WFDC10B: variants seen among roughly 807,000 people sequenced by gnomAD.
WFDC10B encodes protein WFDC10B.
WFDC10B carries 1 observed loss-of-function variant against 2.7 expected under a neutral mutation model. That is an observed-to-expected ratio of 0.38 (90% CI 0.13 to 1.79). WFDC10B has a LOEUF of 1.79. Among genes scored for constraint, WFDC10B ranks in the 40% most tolerant of loss-of-function variants. The probability of loss-of-function intolerance (pLI) is 0.33; values close to 1 mark genes in which losing one functional copy is unlikely to be tolerated. For missense variants in WFDC10B, 71 were observed against 87.8 expected (o/e 0.81, Z 0.76); for synonymous variants, 26 against 32.2 (o/e 0.81, Z 0.65).
chr20:45,696,645 A>C (rs569589264), intron 2 of WFDC10B, among the ~76,000 whole-genome samples: 4 of 152,318 alleles, frequency 2.6e-5, no homozygotes, highest in African/African-American at 9.6e-5. Flanking sequence ...AAATTAGATA[A>C]CCTTGGATGA....
At chr20:45,695,241 G>A (rs778075960) in intron 2 of WFDC10B, among the ~76,000 whole-genome samples, 5 of 152,052 alleles carry the variant, frequency 3.3e-5, no homozygotes, top group Non-Finnish European at 5.9e-5. Flanking sequence ...TAAGCTGTGG[G>A]GTCTGCACTA....
At position 45,684,940 on chromosome 20, in the gene WFDC10B, G is replaced by C. The variant is rs200120473; in HGVS notation, c.112C>G (p.Arg38Gly). The stretch of plus-strand genomic sequence containing the variant: ...TGGATGCATAGATCTATGCTGGGTC[G>C]CTTCTCACAGACCTTGATTCCTGAA... The part of the protein sequence containing the change: ...RMQRIKVCEK[R>G]PSIDLCIHHC... The change falls in exon 4 of 4, where the codon CGA becomes GGA. Residue 38 changes from arginine (R) to glycine (G), a missense_variant. Coordinates refer to ENST00000330523, the MANE Select transcript of WFDC10B (RefSeq NM_172006.2). The C allele has an allele frequency of 3.1e-6, 5 of 1,613,812 alleles. No homozygotes were observed. In the East Asian group the frequency reaches 8.9e-5, roughly 29 times the overall value.
At chr20:45,703,046 G>A (rs537661174) in intron 2 of WFDC10B, among the ~76,000 whole-genome samples, 4 of 152,316 alleles carry the variant, frequency 2.6e-5, no homozygotes, top group South Asian at 4.1e-4. Flanking sequence ...GGAGTGCCCA[G>A]GGTAGAGTTA....
At chr20:45,704,860 CT>C (rs1984326856) in intron 1 of WFDC10B, 57 bp downstream of exon 1, 2 of 1,566,384 alleles carry the variant, frequency 1.3e-6, no homozygotes, top group Non-Finnish European at 1.8e-6. Flanking sequence ...CCACAAATGC[CT>C]TTATCCACAG....
chr20:45,697,613 A>T (rs1311163825), intron 2 of WFDC10B, among the ~76,000 whole-genome samples: 1 of 152,042 alleles, frequency 6.6e-6, no homozygotes, highest in Non-Finnish European at 1.5e-5. Context: ...TGGCCTCTCA[A>T]AGTGCTGAGA....
At chr20:45,702,126 G>A (rs2145643584) in intron 2 of WFDC10B, 1 of 1,612,866 alleles carries the variant, frequency 6.2e-7, no homozygotes, top group East Asian at 2.2e-5. Flanking sequence ...CTGACACCAT[G>A]AAGCCTGTGC....
intron 2 of WFDC10B, chr20:45,701,996 G>A: frequency 1.2e-6 from 1 of 803,478 alleles, no homozygotes; most frequent in Non-Finnish European, 2.0e-6. Flanking sequence ...TTTGATTGGA[G>A]TACACGGTGA....
chr20:45,697,577 C>G (rs1984015839), intron 2 of WFDC10B, among the ~76,000 whole-genome samples: 1 of 151,766 alleles, frequency 6.6e-6, no homozygotes, highest in African/African-American at 2.4e-5. Context: ...ATCTCGAACT[C>G]CTGAGCTCAA....
Position 45,684,854 on chromosome 20 carries a change from C to A in WFDC10B, c.198G>T (p.Gly66=). Residue 66 remains glycine, a synonymous_variant, in exon 4 of 4, where the codon GGG becomes GGT. Coordinates refer to ENST00000330523, the MANE Select transcript of WFDC10B (RefSeq NM_172006.2). The part of the protein sequence containing the change: ...TNKICCSAFC[G]NICMSIL ...CTCATAGGATGCTCATACAAATGTTCCCACAGAAGGCTGAACAGCATATCT... is the reference window on the plus strand; with the variant it reads ...CTCATAGGATGCTCATACAAATGTTACCACAGAAGGCTGAACAGCATATCT... 1.2e-6 allele frequency: 2 copies of A among 1,613,896 alleles called. No homozygotes were observed. Among genetic ancestry groups the A allele is most frequent in the South Asian group, 1.1e-5 (1 of 91,040 alleles).
At chr20:45,695,758 G>C (rs1016554596) in intron 2 of WFDC10B, among the ~76,000 whole-genome samples, 1 of 151,974 alleles carries the variant, frequency 6.6e-6, no homozygotes, top group Non-Finnish European at 1.5e-5. Context: ...GGCTGAGGTG[G>C]GTGGATCACT....
chr20:45,704,074 C>T (rs1243205835), intron 2 of WFDC10B, among the ~76,000 whole-genome samples: 6 of 152,218 alleles, frequency 3.9e-5, no homozygotes, highest in Admixed American at 3.3e-4. Context: ...CTCAAGACCA[C>T]ACAATGAATC....
chr20:45,703,691 TA>T (rs1984268656), intron 2 of WFDC10B, among the ~76,000 whole-genome samples: 1 of 152,132 alleles, frequency 6.6e-6, no homozygotes, highest in African/African-American at 2.4e-5. Flanking sequence ...AGGTAGGTCT[TA>T]GCTTTGAACT....
At chr20:45,685,581 A>T (rs1983583368) in intron 3 of WFDC10B, among the ~76,000 whole-genome samples, 1 of 152,188 alleles carries the variant, frequency 6.6e-6, no homozygotes, top group Non-Finnish European at 1.5e-5. Flanking sequence ...AATGTGCATA[A>T]ATCAAAGAAT....
intron 2 of WFDC10B, chr20:45,702,222 G>T: frequency 1.2e-6 from 2 of 1,609,100 alleles, no homozygotes; most frequent in Non-Finnish European, 1.7e-6. Context: ...GTAGGTGCTG[G>T]ATCTGGGCCC....
intron 2 of WFDC10B, among the ~76,000 whole-genome samples, chr20:45,687,016 TA>T (rs910503614): frequency 2.0e-5 from 3 of 152,320 alleles, no homozygotes; most frequent in Admixed American, 6.5e-5. Context: ...GATTGAGCTA[TA>T]TTTTTAATAT....
rs1404656788 is a variant in WFDC10B, at chr20:45,688,877, T to G, written c.-64-2821A>C. On this transcript the variant is annotated intron_variant, in intron 2 of 3. Transcript: ENST00000330523. ...CCATTTGTCAATTTTGGCTTTTGTT[T>G]CCATTGCTTTTGGTGTTTTAGACAT... Among the ~76,000 whole-genome samples, 26 of 151,936 alleles carry G rather than the reference T, an allele frequency of 1.7e-4. 1 individual carries two copies. Among genetic ancestry groups the G allele is most frequent in the African/African-American group, 2.9e-4 (12 of 41,376 alleles).
chr20:45,698,493 T>G (rs546076588), intron 2 of WFDC10B, among the ~76,000 whole-genome samples: 51 of 150,464 alleles, frequency 3.4e-4, no homozygotes, highest in Non-Finnish European at 6.2e-4. Context: ...AAAGACAGCC[T>G]ATGGAATGGG....
At chr20:45,685,538 C>A (rs1462665299) in intron 3 of WFDC10B, among the ~76,000 whole-genome samples, 1 of 152,192 alleles carries the variant, frequency 6.6e-6, no homozygotes, top group African/African-American at 2.4e-5. Context: ...TACACCTACC[C>A]TCATAACCAC....
At chr20:45,686,133 C>T in intron 2 of WFDC10B, 77 bp from the exon 3 acceptor site, 1 of 1,456,262 alleles carries the variant, frequency 6.9e-7, no homozygotes, top group East Asian at 2.5e-5. Flanking sequence ...CAGGGCAGAG[C>T]AAGAGTCCTT....
Sources: gnomAD v4.1 joint callset for allele counts (sites outside exome capture counted in the v4.1 genomes callset) on GRCh38, gnomAD v4.1.1 for gene constraint, MANE v1.5 for transcripts, NCBI Gene and HGNC (gene_info 2026-07-23, HGNC 2026-07-21) for gene names.